Variants in DLGAP1 observed in about 807,000 individuals in gnomAD.
The protein encoded by DLGAP1 is DLG associated protein 1, also known as disks large-associated protein 1.
A neutral mutation model predicts 90.8 loss-of-function variants in DLGAP1; 11 were observed. That is an observed-to-expected ratio of 0.12 (90% CI 0.08 to 0.20). DLGAP1 has a LOEUF of 0.20. Ranked by LOEUF, DLGAP1 falls within the 10% of genes least tolerant of loss-of-function variation. The pLI is 1.00. For missense variants in DLGAP1, 1,050 were observed against 1,333.8 expected, an observed-to-expected ratio of 0.79 and a Z score of 3.31; for synonymous variants, 558 against 540.7, an observed-to-expected ratio of 1.03 and a Z score of -0.44.
At chr18:3,531,203 G>A (rs755877009) in intron 10 of DLGAP1, among the ~76,000 whole-genome samples, 7 of 152,118 alleles carry the variant, frequency 4.6e-5, no homozygotes, top group Non-Finnish European at 7.4e-5. Context: ...TTGGGAGGCC[G>A]AGACGGGTGG....
intron 5 of DLGAP1, among the ~76,000 whole-genome samples, chr18:3,793,389 G>C (rs78132607): frequency 0.022 from 3,355 of 152,194 alleles, 134 homozygotes; most frequent in African/African-American, 0.077. Context: ...ATTTCTTCTC[G>C]ATAGAGCAGC....
At chr18:3,880,944 GAAAA>G (rs1173817359) in intron 3 of DLGAP1, among the ~76,000 whole-genome samples, 1 of 38,360 alleles carries the variant, frequency 2.6e-5, no homozygotes, top group Non-Finnish European at 5.3e-5. Flanking sequence ...CTCCATCTCA[GAAAA>G]AAAAAAAAAA....
intron 3 of DLGAP1, among the ~76,000 whole-genome samples, chr18:3,880,806 G>C (rs1372819671): frequency 6.6e-6 from 1 of 151,716 alleles, no homozygotes; most frequent in South Asian, 2.1e-4. Context: ...AGCTGGGCGT[G>C]GTGGTGGGTG....
chr18:3,786,054 C>T (rs1229318952), intron 5 of DLGAP1, among the ~76,000 whole-genome samples: 1 of 152,188 alleles, frequency 6.6e-6, no homozygotes, highest in African/African-American at 2.4e-5. Flanking sequence ...TCTGCTTCTG[C>T]TGTCATCTCC....
intron 2 of DLGAP1, among the ~76,000 whole-genome samples, chr18:4,025,586 TA>T (rs2074686617): frequency 6.6e-6 from 1 of 152,180 alleles, no homozygotes; most frequent in Non-Finnish European, 1.5e-5. Context: ...TTTCTGACTC[TA>T]AAGGCCCTTT....
chr18:4,187,577 A>G (rs1163671229), intron 1 of DLGAP1, among the ~76,000 whole-genome samples: 1 of 152,200 alleles, frequency 6.6e-6, no homozygotes, highest in Non-Finnish European at 1.5e-5. Context: ...TTAGATGAAA[A>G]GCAGAGTATG....
intron 2 of DLGAP1, among the ~76,000 whole-genome samples, chr18:4,082,195 A>G (rs1330114847): frequency 1.3e-5 from 2 of 151,932 alleles, no homozygotes; most frequent in Non-Finnish European, 2.9e-5. Context: ...CAAAAAAATT[A>G]GCTGGGCGTG....
In DLGAP1 at chr18:4,269,247, T is replaced by C. The variant is rs573235358; in HGVS notation, c.-266-117960A>G. Among the ~76,000 whole-genome samples, 143 of 150,718 alleles carry C rather than the reference T, an allele frequency of 9.5e-4. No homozygotes were observed. In the Middle Eastern group the frequency reaches 0.014, roughly 15 times the overall value. On this transcript the variant is annotated intron_variant, in intron 1 of 12. Transcript: ENST00000315677. ...TTTCATGTAATATTGACTACAATGT[T>C]GACTCCCTGAAAGTATAAATAATTT...
rs184901775 is a variant in DLGAP1 at position 3,661,768 on chromosome 18, G to C, written c.1591+67367C>G. Among the ~76,000 whole-genome samples the C allele has an allele frequency of 3.6e-3, 540 of 151,766 alleles. 10 individuals carry two copies. The highest frequency in any genetic ancestry group is 5.3e-3 in the Non-Finnish European group (359 of 67,918). On this transcript the variant is annotated intron_variant, in intron 7 of 12. Transcript: ENST00000315677. ...ATTTTTTTTTTTGTATTTTAGCAGA[G>C]ATGGGGTTTCACCATGTTGCTCAGG...
chr18:4,106,092 A>T (rs1407546071), intron 2 of DLGAP1, among the ~76,000 whole-genome samples: 13 of 150,256 alleles, frequency 8.7e-5, no homozygotes, highest in African/African-American at 2.9e-4. Flanking sequence ...CTTAATTTTT[A>T]AAAAAGGTTT....
intron 2 of DLGAP1, among the ~76,000 whole-genome samples, chr18:4,089,365 TGG>T (rs2075733481): frequency 6.6e-6 from 1 of 152,132 alleles, no homozygotes; most frequent in African/African-American, 2.4e-5. Context: ...ATTGTGAAAA[TGG>T]CCATACTGCC....
intron 3 of DLGAP1, among the ~76,000 whole-genome samples, chr18:3,957,257 C>G (rs1443250767): frequency 6.6e-6 from 1 of 152,124 alleles, no homozygotes; most frequent in Non-Finnish European, 1.5e-5. Context: ...GAGCCAGGAG[C>G]CAAGGAATGC....
At chr18:3,580,052 G>C (rs1212034490) in intron 8 of DLGAP1, 1 of 675,318 alleles carries the variant, frequency 1.5e-6, no homozygotes, top group Non-Finnish European at 2.6e-6. Flanking sequence ...GGAATTAAAA[G>C]CACCTCATGT....
At chr18:3,748,082 A>C (rs1370948542) in intron 5 of DLGAP1, among the ~76,000 whole-genome samples, 2 of 152,258 alleles carry the variant, frequency 1.3e-5, no homozygotes, top group African/African-American at 4.8e-5. Context: ...TGGTCTAACG[A>C]AATGGCACTC....
chr18:4,200,021 T>C (rs1271771199), intron 1 of DLGAP1, among the ~76,000 whole-genome samples: 3 of 152,208 alleles, frequency 2.0e-5, no homozygotes, highest in Non-Finnish European at 4.4e-5. Flanking sequence ...TTCCAGTCTG[T>C]TTCATAGCCA....
At chr18:3,844,205 T>A (rs574224886) in intron 4 of DLGAP1, among the ~76,000 whole-genome samples, 1 of 152,354 alleles carries the variant, frequency 6.6e-6, no homozygotes, top group South Asian at 2.1e-4. Context: ...TGTTTTTGAA[T>A]AGACCTTCTG....
intron 9 of DLGAP1, among the ~76,000 whole-genome samples, chr18:3,556,831 G>A (rs1022008317): frequency 3.9e-5 from 6 of 152,178 alleles, no homozygotes; most frequent in Non-Finnish European, 4.4e-5. Flanking sequence ...GTAAGAAACT[G>A]TTGATTAGGC....
At chr18:4,080,853 T>C (rs1268443769) in intron 2 of DLGAP1, among the ~76,000 whole-genome samples, 1 of 152,028 alleles carries the variant, frequency 6.6e-6, no homozygotes, top group Admixed American at 6.6e-5. Flanking sequence ...CATCACCCTG[T>C]TGTTCTCCCC....
chr18:4,081,334 T>G (rs1236663911), intron 2 of DLGAP1, among the ~76,000 whole-genome samples: 9 of 146,138 alleles, frequency 6.2e-5, no homozygotes, highest in Non-Finnish European at 1.4e-4. Context: ...AAAAAAAAAG[T>G]AATCTGCCTT....
Sources: allele counts gnomAD v4.1 joint callset (sites outside exome capture counted in the v4.1 genomes callset), GRCh38; gene constraint gnomAD v4.1.1; transcripts MANE v1.5; gene names NCBI Gene and HGNC (gene_info 2026-07-23, HGNC 2026-07-21).